Variants in MAML3 observed in about 807,000 individuals in gnomAD.
MAML3 encodes the protein mastermind-like protein 3.
Under a neutral mutation model 101.9 loss-of-function variants are expected in MAML3, and 27 were observed. The observed-to-expected ratio is 0.27, with a 90% CI of 0.20 to 0.37. MAML3 has a LOEUF of 0.37. Ranked by LOEUF, MAML3 falls within the 10% of genes least tolerant of loss-of-function variation. MAML3 has a pLI of 1.00. For missense variants in MAML3, 1,316 were observed against 1,444.9 expected (o/e 0.91, Z 1.45); for synonymous variants, 501 against 555.9 (o/e 0.90, Z 1.39).
intron 2 of MAML3, among the ~76,000 whole-genome samples, chr4:139,751,842 T>G (rs1282051767): frequency 1.3e-5 from 2 of 152,198 alleles, no homozygotes; most frequent in Non-Finnish European, 2.9e-5. Flanking sequence ...CCGCAAAGTA[T>G]CCATTCTTAT....
intron 1 of MAML3, among the ~76,000 whole-genome samples, chr4:139,968,561 T>C (rs1734180932): frequency 1.3e-5 from 2 of 152,190 alleles, no homozygotes; most frequent in South Asian, 4.2e-4. Context: ...CTTGTTACAG[T>C]CCAGACTTTC....
intron 1 of MAML3, among the ~76,000 whole-genome samples, chr4:139,976,254 T>A (rs747256212): frequency 6.6e-6 from 1 of 152,230 alleles, no homozygotes; most frequent in African/African-American, 2.4e-5. Flanking sequence ...TTTTTTTTCT[T>A]TTCTTCTTCT....
At chr4:139,947,149 G>A (rs1733746724) in intron 1 of MAML3, among the ~76,000 whole-genome samples, 1 of 152,120 alleles carries the variant, frequency 6.6e-6, no homozygotes. Flanking sequence ...ACATACAGTA[G>A]ACATGAAAAT....
intron 1 of MAML3, among the ~76,000 whole-genome samples, chr4:139,953,614 G>A (rs936711584): frequency 6.6e-5 from 10 of 152,244 alleles, no homozygotes; most frequent in African/African-American, 1.9e-4. Flanking sequence ...GCGAGACTCC[G>A]TCTCATAAAA....
intron 2 of MAML3, among the ~76,000 whole-genome samples, chr4:139,821,227 A>G (rs775320699): frequency 2.4e-4 from 36 of 152,206 alleles, no homozygotes; most frequent in Non-Finnish European, 3.5e-4. Context: ...GGGGTCCCCA[A>G]TCCCCGGATC....
chr4:139,947,823 T>A (rs1259666348), intron 1 of MAML3, among the ~76,000 whole-genome samples: 1 of 152,082 alleles, frequency 6.6e-6, no homozygotes, highest in East Asian at 1.9e-4. Context: ...TACCACTTGC[T>A]GGGCATGGTG....
intron 2 of MAML3, among the ~76,000 whole-genome samples, chr4:139,750,464 C>A (rs981439823): frequency 6.6e-6 from 1 of 152,188 alleles, no homozygotes; most frequent in Non-Finnish European, 1.5e-5. Flanking sequence ...GCCTTTGGTG[C>A]AGTTTTGGGC....
chr4:139,721,939 G>A (rs1433778022), intron 4 of MAML3, among the ~76,000 whole-genome samples: 1 of 152,130 alleles, frequency 6.6e-6, no homozygotes, highest in African/African-American at 2.4e-5. Flanking sequence ...GTGGTGAAAT[G>A]GGTTATTGAG....
At chr4:139,802,335 C>T (rs998972800) in intron 2 of MAML3, among the ~76,000 whole-genome samples, 2 of 152,162 alleles carry the variant, frequency 1.3e-5, no homozygotes, top group African/African-American at 4.8e-5. Flanking sequence ...TAGGATCTAT[C>T]ACTGTGTTCC....
chr4:139,765,308 GT>G (rs1729836303), intron 2 of MAML3, among the ~76,000 whole-genome samples: 1 of 152,208 alleles, frequency 6.6e-6, no homozygotes, highest in African/African-American at 2.4e-5. Flanking sequence ...ATTACTTGCT[GT>G]TTTAGGATGG....
At chr4:140,001,497 T>C (rs1022211866) in intron 1 of MAML3, among the ~76,000 whole-genome samples, 1 of 152,198 alleles carries the variant, frequency 6.6e-6, no homozygotes, top group Non-Finnish European at 1.5e-5. Context: ...CACAGAGCTG[T>C]GTTTAAGACA....
intron 2 of MAML3, among the ~76,000 whole-genome samples, chr4:139,792,320 A>T (rs1730429818): frequency 6.6e-6 from 1 of 152,242 alleles, no homozygotes; most frequent in Non-Finnish European, 1.5e-5. Flanking sequence ...TACAGATAGC[A>T]TATTTAAAAC....
At chr4:139,774,251 C>G (rs1730049572) in intron 2 of MAML3, among the ~76,000 whole-genome samples, 1 of 152,208 alleles carries the variant, frequency 6.6e-6, no homozygotes, top group Non-Finnish European at 1.5e-5. Context: ...TCCTCCTTGA[C>G]AACTACTACA....
chr4:139,896,651 T>A (rs10032798), intron 1 of MAML3, among the ~76,000 whole-genome samples: 125,563 of 150,130 alleles, frequency 0.84, 53,058 homozygotes, highest in South Asian at 0.91. Context: ...TGTGTGTGTG[T>A]GAGAGAGAGA....
Position 140,153,502 on chromosome 4 carries a change from T to A in MAML3, c.-175A>T. 1 of 678,012 alleles carries A rather than the reference T, an allele frequency of 1.5e-6. No individual in the cohort carries two copies. The highest frequency in any genetic ancestry group is 2.3e-6 in the Non-Finnish European group (1 of 441,414). 42.0% of individuals were successfully genotyped at this position (678,012 alleles called of 1,614,324 possible). On this transcript the variant is annotated 5_prime_UTR_variant, in exon 1 of 5. Transcript: ENST00000509479. ...AAAAACGGGGGGGGAGATTTTGGGG[T>A]GGTTTTTGTTTCCTTTTTTTAAACT...
chr4:139,931,223 G>C (rs1357475763), intron 1 of MAML3, among the ~76,000 whole-genome samples: 1 of 152,080 alleles, frequency 6.6e-6, no homozygotes, highest in Non-Finnish European at 1.5e-5. Context: ...CCAAGTCCCA[G>C]GCGCCACACA....
intron 2 of MAML3, among the ~76,000 whole-genome samples, chr4:139,832,541 C>A (rs1035752058): frequency 6.6e-6 from 1 of 152,088 alleles, no homozygotes; most frequent in East Asian, 1.9e-4. Context: ...AGTGAAGCAC[C>A]GTCCACCTTT....
chr4:140,134,213 G>A, intron 1 of MAML3: 1 of 456,716 alleles, frequency 2.2e-6, no homozygotes, highest in Non-Finnish European at 4.4e-6. Context: ...AACTTAGGAA[G>A]TACGGGGAAA....
At chr4:139,782,875 C>A (rs1171451157) in intron 2 of MAML3, among the ~76,000 whole-genome samples, 1 of 152,116 alleles carries the variant, frequency 6.6e-6, no homozygotes, top group Non-Finnish European at 1.5e-5. Context: ...ATATTTTTTC[C>A]CTCCATCTTT....
Sources: gnomAD v4.1 joint callset for allele counts (sites outside exome capture counted in the v4.1 genomes callset) on GRCh38, gnomAD v4.1.1 for gene constraint, MANE v1.5 for transcripts, NCBI Gene and HGNC (gene_info 2026-07-23, HGNC 2026-07-21) for gene names.